Variants in GLIS1 observed in about 807,000 individuals in gnomAD.
GLIS1 encodes the protein zinc finger protein GLIS1.
In GLIS1, 24 loss-of-function variants were observed where a neutral mutation model predicts 63.8. The ratio of observed to expected loss-of-function variants is 0.38; its 90% CI spans 0.27 to 0.53. The LOEUF is 0.53. Ranked by LOEUF, GLIS1 falls within the 20% of genes least tolerant of loss-of-function variation. The pLI is 0.85. For synonymous variants in GLIS1, 450 were observed against 482.5 expected, an observed-to-expected ratio of 0.93 and a Z score of 0.88; for missense variants, 1,036 against 1,074.1, an observed-to-expected ratio of 0.96 and a Z score of 0.50.
At chr1:53,703,857 T>A (rs1646549580) in intron 2 of GLIS1, among the ~76,000 whole-genome samples, 1 of 152,034 alleles carries the variant, frequency 6.6e-6, no homozygotes, top group South Asian at 2.1e-4. Flanking sequence ...CTGGTAAAAT[T>A]GGTGCTGAAT....
chr1:53,649,031 T>C (rs1049356835), intron 2 of GLIS1, among the ~76,000 whole-genome samples: 1 of 152,248 alleles, frequency 6.6e-6, no homozygotes, highest in Non-Finnish European at 1.5e-5. Flanking sequence ...ATGGATTTTT[T>C]TTCAATAAAT....
intron 2 of GLIS1, among the ~76,000 whole-genome samples, chr1:53,729,361 C>T (rs12406120): frequency 0.12 from 18,522 of 152,202 alleles, 1,562 homozygotes; most frequent in Non-Finnish European, 0.19. Context: ...ACAAAGAGCG[C>T]TCCGTAAGTA....
intron 6 of GLIS1, among the ~76,000 whole-genome samples, chr1:53,523,211 A>G (rs1644429458): frequency 6.6e-6 from 1 of 151,936 alleles, no homozygotes; most frequent in Admixed American, 6.6e-5. Context: ...CTCAGGGAAC[A>G]TGGAGGTGGT....
intron 2 of GLIS1, among the ~76,000 whole-genome samples, chr1:53,715,089 T>A (rs190976098): frequency 1.7e-3 from 252 of 152,238 alleles, no homozygotes; most frequent in African/African-American, 5.7e-3. Context: ...CTTAGTTTTT[T>A]TATTTTTTGT....
chr1:53,540,677 G>A (rs751532610), intron 4 of GLIS1, among the ~76,000 whole-genome samples: 5 of 152,100 alleles, frequency 3.3e-5, no homozygotes, highest in African/African-American at 7.2e-5. Flanking sequence ...GCGTGACCCC[G>A]GCCCAGCCAC....
chr1:53,520,830 C>G lies in GLIS1; in HGVS notation c.1594-64G>C, dbSNP rs538132035. On this transcript the variant is annotated intron_variant, in intron 6 of 10. Coordinates refer to ENST00000628545, the MANE Select transcript of GLIS1 (RefSeq NM_001367484.1). ...GACCCCTGCCCACCAGCAACCCTCA[C>G]GTTAGGGGACAGGGCAGAAAGGACT... is the stretch of plus-strand genomic sequence containing the variant. 1.5e-5 allele frequency: 23 copies of G among 1,507,668 alleles called. No individual in the cohort carries two copies. The South Asian group carries it at 2.8e-4, about 18-fold the overall frequency. The allele number at this position is 1,507,668 out of a possible 1,614,324, so 93.4% of individuals were successfully genotyped here. A position where few individuals can be genotyped will look rare whatever the true frequency, so the allele number is the denominator to read the frequency against.
At chr1:53,669,781 C>T (rs1209474237) in intron 2 of GLIS1, among the ~76,000 whole-genome samples, 1 of 152,214 alleles carries the variant, frequency 6.6e-6, no homozygotes, top group African/African-American at 2.4e-5. Context: ...ACAGGTCCAA[C>T]CCTTTGCTGT....
chr1:53,558,352 CTCACTG>C (rs1010758578), intron 4 of GLIS1, among the ~76,000 whole-genome samples: 2 of 152,212 alleles, frequency 1.3e-5, no homozygotes, highest in African/African-American at 4.8e-5. Context: ...CTATGGAGGC[CTCACTG>C]TCACTTTTCA....
At chr1:53,680,736 A>G (rs12752013) in intron 2 of GLIS1, among the ~76,000 whole-genome samples, 1 of 152,206 alleles carries the variant, frequency 6.6e-6, no homozygotes, top group Non-Finnish European at 1.5e-5. Flanking sequence ...AATGAAAGAC[A>G]CTCCAAAACC....
chr1:53,715,316 G>T (rs1290364288), intron 2 of GLIS1, among the ~76,000 whole-genome samples: 2 of 152,144 alleles, frequency 1.3e-5, no homozygotes, highest in Non-Finnish European at 2.9e-5. Flanking sequence ...GTCCACCATG[G>T]GCAGGTGAGC....
chr1:53,704,787 C>T (rs1268752106), intron 2 of GLIS1, among the ~76,000 whole-genome samples: 2 of 152,208 alleles, frequency 1.3e-5, no homozygotes, highest in Admixed American at 6.5e-5. Flanking sequence ...CCTCTCCAAG[C>T]ACTGGCTCGT....
At chr1:53,638,598 G>T (rs1229912871) in intron 2 of GLIS1, among the ~76,000 whole-genome samples, 1 of 152,178 alleles carries the variant, frequency 6.6e-6, no homozygotes, top group Non-Finnish European at 1.5e-5. Context: ...GGCCTCTGAG[G>T]CCCCATGGAG....
Position 53,734,045 on chromosome 1 carries a change from G to A in GLIS1, c.259+3761C>T, listed in dbSNP as rs532231460. On this transcript the variant is annotated intron_variant, in intron 2 of 10. Coordinates refer to ENST00000628545, the MANE Select transcript of GLIS1 (RefSeq NM_001367484.1). ...CACCGCCCCCACTCCGAGTCCATGCGCACAATCTACAATTCCTTTTTTTTT... is the reference window on the plus strand; with the variant it reads ...CACCGCCCCCACTCCGAGTCCATGCACACAATCTACAATTCCTTTTTTTTT... 20 of 983,166 alleles carry A rather than the reference G, an allele frequency of 2.0e-5. No individual in the cohort carries two copies. In the East Asian group the frequency reaches 1.6e-3, roughly 79 times the overall value. The allele number at this position is 983,166 out of a possible 1,614,324, so 60.9% of individuals were successfully genotyped here.
At chr1:53,633,102 G>A (rs1336806601) in intron 2 of GLIS1, among the ~76,000 whole-genome samples, 1 of 148,928 alleles carries the variant, frequency 6.7e-6, no homozygotes, top group African/African-American at 2.5e-5. Context: ...TGTGACTGAG[G>A]GGTGTGTGAG....
chr1:53,650,203 G>A (rs1331212965), intron 2 of GLIS1, among the ~76,000 whole-genome samples: 3 of 152,134 alleles, frequency 2.0e-5, no homozygotes, highest in Non-Finnish European at 4.4e-5. Flanking sequence ...TAGATAGGTG[G>A]GCTCATTAAT....
intron 4 of GLIS1, among the ~76,000 whole-genome samples, chr1:53,577,219 C>T (rs530470320): frequency 6.6e-6 from 1 of 152,136 alleles, no homozygotes; most frequent in African/African-American, 2.4e-5. Context: ...TCCCCTACCC[C>T]CCTGGGGCCC....
intron 4 of GLIS1, among the ~76,000 whole-genome samples, chr1:53,580,300 C>A: frequency 6.6e-6 from 1 of 152,310 alleles, no homozygotes; most frequent in South Asian, 2.1e-4. Flanking sequence ...CTCCCTTTCC[C>A]GAGCCCTACA....
chr1:53,594,407 G>A lies in GLIS1; in HGVS notation c.1021C>T (p.Pro341Ser), dbSNP rs760192516. 1 of 1,612,146 alleles carries A rather than the reference G, an allele frequency of 6.2e-7. No homozygotes were observed. Among genetic ancestry groups the A allele is most frequent in the Non-Finnish European group, 8.5e-7 (1 of 1,179,560 alleles). Residue 341 changes from proline (P) to serine (S), a missense_variant, in exon 4 of 11, where the codon CCC becomes TCC. Coordinates refer to ENST00000628545, the MANE Select transcript of GLIS1 (RefSeq NM_001367484.1). ...LFGPHQQGLP[P>S]PYPLSQLPPG... ...GGCAACTGAGACAGGGGATAGGGGG[G>A]CGGCAGGCCCTGCTGGTGAGGCCCA...
At chr1:53,600,732 G>A (rs1645308769) in intron 2 of GLIS1, among the ~76,000 whole-genome samples, 1 of 152,176 alleles carries the variant, frequency 6.6e-6, no homozygotes, top group South Asian at 2.1e-4. Flanking sequence ...AGGGAGCAGT[G>A]CTGACATGTG....
Sources: allele counts gnomAD v4.1 joint callset (sites outside exome capture counted in the v4.1 genomes callset), GRCh38; gene constraint gnomAD v4.1.1; transcripts MANE v1.5; gene names NCBI Gene and HGNC (gene_info 2026-07-23, HGNC 2026-07-21).